Variants in SLCO1B1 observed in about 807,000 individuals in gnomAD.
The protein encoded by SLCO1B1 is OATP-2.
A neutral mutation model predicts 70.1 loss-of-function variants in SLCO1B1; 81 were observed. That is an observed-to-expected ratio of 1.16 (90% CI 0.97 to 1.39). SLCO1B1 has a LOEUF of 1.39. Among genes scored for constraint, SLCO1B1 ranks in the 40% most tolerant of loss-of-function variants. The pLI is 0.00. For synonymous variants in SLCO1B1, 283 were observed against 271.5 expected, an observed-to-expected ratio of 1.04 and a Z score of -0.42; for missense variants, 895 against 799.6, an observed-to-expected ratio of 1.12 and a Z score of -1.44.
Position 21,226,830 on chromosome 12 carries a change from C to T in SLCO1B1, c.1865+1991C>T, listed in dbSNP as rs1941487226. ...TGTGTGGGGCGGGGAGTATATGGGA[C>T]TTCATACTTTCTGTACAGTTTTTCT... On this transcript the variant is annotated intron_variant, in intron 14 of 14. Transcript: ENST00000256958. 1.3e-5 allele frequency among the ~76,000 whole-genome samples: 2 copies of T among 151,966 alleles called. 1 individual carries two copies. Among genetic ancestry groups the T allele is most frequent in the Admixed American group, 1.3e-4 (2 of 15,236 alleles).
intron 7 of SLCO1B1, among the ~76,000 whole-genome samples, chr12:21,193,376 T>A (rs554816446): frequency 6.6e-6 from 1 of 152,164 alleles, no homozygotes; most frequent in Non-Finnish European, 1.5e-5. Flanking sequence ...GATTTTGGTA[T>A]CCATAGGGAG....
At chr12:21,199,530 T>C (rs1271709367) in intron 8 of SLCO1B1, among the ~76,000 whole-genome samples, 1 of 152,146 alleles carries the variant, frequency 6.6e-6, no homozygotes, top group Non-Finnish European at 1.5e-5. Context: ...GGGTTAATAA[T>C]ATTGCCAAAT....
chr12:21,172,876 A>G, intron 3 of SLCO1B1, 85 bp downstream of exon 3: 1 of 1,291,146 alleles, frequency 7.7e-7, no homozygotes, highest in Non-Finnish European at 1.1e-6. Context: ...CAACTGGGGT[A>G]AATTTATCTC....
At chr12:21,152,531 G>GT (rs1940484592) in intron 2 of SLCO1B1, among the ~76,000 whole-genome samples, 1 of 8,428 alleles carries the variant, frequency 1.2e-4, no homozygotes, top group East Asian at 5.4e-3. Flanking sequence ...GGAGAGGAGA[G>GT]GCTTTTTTTT....
rs575506079 is a variant in SLCO1B1, at chr12:21,204,682, G to A, written c.1332-1186G>A. Among the ~76,000 whole-genome samples the A allele has an allele frequency of 2.6e-5, 4 of 152,040 alleles. No homozygotes were observed. The East Asian group carries it at 7.7e-4, about 29-fold the overall frequency. The stretch of plus-strand genomic sequence containing the variant: ...AGTCCATTCAGGCTGCAAAGTTCTA[G>A]GTAGCTTATTAATACACAGAAATTA... On this transcript the variant is annotated intron_variant, in intron 10 of 14. Transcript: ENST00000256958.
At position 21,141,518 on chromosome 12, in the gene SLCO1B1, T is replaced by C. The variant is rs755224225; in HGVS notation, c.-57T>C. 1 of 1,002,372 alleles carries C rather than the reference T, an allele frequency of 1.0e-6. No individual in the cohort carries two copies. Among genetic ancestry groups the C allele is most frequent in the South Asian group, 1.3e-5 (1 of 75,940 alleles). The allele number at this position is 1,002,372 out of a possible 1,614,324, so 62.1% of individuals were successfully genotyped here. ...ATACTTTTTCTTCCTTAATAGGTGA[T>C]TGTTTCAAACTGAGCATCAACAACA... On this transcript the variant is annotated 5_prime_UTR_variant, in exon 2 of 15. Coordinates refer to ENST00000256958, the MANE Select transcript of SLCO1B1 (RefSeq NM_006446.5).
At chr12:21,199,117 CCTT>C (rs1157514433) in intron 8 of SLCO1B1, among the ~76,000 whole-genome samples, 14 of 151,782 alleles carry the variant, frequency 9.2e-5, no homozygotes, top group Admixed American at 4.6e-4. Flanking sequence ...TTCTCTAACT[CCTT>C]CTACTCCTTA....
At chr12:21,233,990 GATCT>G (rs1224344647) in intron 14 of SLCO1B1, among the ~76,000 whole-genome samples, 3 of 152,208 alleles carry the variant, frequency 2.0e-5, no homozygotes, top group Non-Finnish European at 2.9e-5. Flanking sequence ...TATCAAGAAA[GATCT>G]TACTTATCAA....
chr12:21,197,190 T>C lies in SLCO1B1; in HGVS notation c.970+2T>C. The C allele has an allele frequency of 6.2e-7, 1 of 1,612,642 alleles. No individual in the cohort carries two copies. Among genetic ancestry groups the C allele is most frequent in the Non-Finnish European group, 8.5e-7 (1 of 1,179,202 alleles). On this transcript the variant is annotated splice_donor_variant, in intron 8 of 14. Coordinates refer to ENST00000256958, the MANE Select transcript of SLCO1B1 (RefSeq NM_006446.5). LOFTEE classifies it high-confidence loss of function. ...AAAATATTACCAAAAATGTGACTGGTAAGTATTTAACATTCATTGTCAATT... is the reference window on the plus strand; with the variant it reads ...AAAATATTACCAAAAATGTGACTGGCAAGTATTTAACATTCATTGTCAATT...
intron 10 of SLCO1B1, 36 bp from the exon 11 acceptor site, chr12:21,205,832 C>A: frequency 6.8e-7 from 1 of 1,479,870 alleles, no homozygotes; most frequent in Non-Finnish European, 9.4e-7. Flanking sequence ...TCTTCTCTCT[C>A]TCTCTTTTTG....
intron 11 of SLCO1B1, among the ~76,000 whole-genome samples, chr12:21,211,502 G>A (rs1334440211): frequency 2.0e-5 from 3 of 152,228 alleles, no homozygotes; most frequent in African/African-American, 7.2e-5. Context: ...TGTTCATCAA[G>A]GATATTGGTC....
intron 7 of SLCO1B1, among the ~76,000 whole-genome samples, chr12:21,182,632 C>T (rs1940917126): frequency 6.6e-6 from 1 of 152,056 alleles, no homozygotes; most frequent in Non-Finnish European, 1.5e-5. Flanking sequence ...TTTCAAGGAC[C>T]CCCACCTGAG....
intron 12 of SLCO1B1, among the ~76,000 whole-genome samples, chr12:21,219,911 G>A (rs1158547497): frequency 3.3e-5 from 5 of 152,042 alleles, no homozygotes; most frequent in African/African-American, 1.2e-4. Flanking sequence ...ACAGGTGCAC[G>A]CCACCGTGCC....
chr12:21,182,069 C>T (rs1940906450), intron 7 of SLCO1B1, among the ~76,000 whole-genome samples: 1 of 152,106 alleles, frequency 6.6e-6, no homozygotes, highest in South Asian at 2.1e-4. Context: ...ATACTTCGAG[C>T]ATATCTTTTG....
At chr12:21,208,703 G>C (rs1403060834) in intron 11 of SLCO1B1, among the ~76,000 whole-genome samples, 1 of 152,054 alleles carries the variant, frequency 6.6e-6, no homozygotes, top group Non-Finnish European at 1.5e-5. Flanking sequence ...TGAATCTGTA[G>C]ATTGCTTTGG....
At chr12:21,167,147 C>CA (rs1440741104) in intron 2 of SLCO1B1, among the ~76,000 whole-genome samples, 3 of 151,998 alleles carry the variant, frequency 2.0e-5, no homozygotes, top group African/African-American at 7.2e-5. Context: ...AAAAAACAAA[C>CA]AAAAAACATG....
rs887365577 is a variant in SLCO1B1 at position 21,202,694 on chromosome 12, T to C, written c.1331+8T>C. ...AACCATGACCTATGATGGGTTTGTA[T>C]ATATCACTATATCAATTGCATAATA... On this transcript the variant is annotated splice_region_variant and intron_variant, in intron 10 of 14. Coordinates refer to ENST00000256958, the MANE Select transcript of SLCO1B1 (RefSeq NM_006446.5). 3 of 1,584,890 alleles carry C rather than the reference T, an allele frequency of 1.9e-6. No individual in the cohort carries two copies. Among genetic ancestry groups the C allele is most frequent in the Non-Finnish European group, 1.7e-6 (2 of 1,155,704 alleles).
At chr12:21,172,504 TGGTAAAA>T in intron 2 of SLCO1B1, 139 bp from the exon 3 acceptor site, 1 of 840,184 alleles carries the variant, frequency 1.2e-6, no homozygotes, top group Non-Finnish European at 1.9e-6. Context: ...TAGTAGTACC[TGGTAAAA>T]GGGAAAACTA....
In SLCO1B1 at chr12:21,222,371, TGAA is replaced by T; in HGVS notation, c.1747+8_1747+10del. On this transcript the variant is annotated splice_region_variant and intron_variant, in intron 13 of 14. Transcript: ENST00000256958. The stretch of plus-strand genomic sequence containing the variant: ...ATGGTTATACGAGCACTAGGTATGA[TGAA>T]AAAAAAAAAAAAAAAAAAAAAAAAT... The T allele has an allele frequency of 1.7e-5, 2 of 119,502 alleles. No homozygotes were observed. The highest frequency in any genetic ancestry group is 2.3e-5 in the Non-Finnish European group (2 of 86,086). 7.4% of individuals were successfully genotyped at this position (119,502 alleles called of 1,614,324 possible).
Sources: gnomAD v4.1 joint callset for allele counts (sites outside exome capture counted in the v4.1 genomes callset) on GRCh38, gnomAD v4.1.1 for gene constraint, MANE v1.5 for transcripts, NCBI Gene and HGNC (gene_info 2026-07-23, HGNC 2026-07-21) for gene names.